C8A: variants seen among roughly 807,000 people sequenced by gnomAD.
C8A encodes complement C8 alpha chain.
Under a neutral mutation model 65.3 loss-of-function variants are expected in C8A, and 67 were observed. The observed-to-expected ratio is 1.03, with a 90% CI of 0.84 to 1.26. C8A has a LOEUF of 1.26. Ranked by LOEUF, C8A falls within the 50% of genes most tolerant of loss-of-function variation. C8A has a pLI of 0.00. For synonymous variants in C8A, 290 were observed against 259.4 expected, an observed-to-expected ratio of 1.12 and a Z score of -1.13; for missense variants, 781 against 723.9, an observed-to-expected ratio of 1.08 and a Z score of -0.90.
intron 2 of C8A, among the ~76,000 whole-genome samples, chr1:56,874,568 A>G (rs1229732851): frequency 6.6e-6 from 1 of 152,204 alleles, no homozygotes; most frequent in African/African-American, 2.4e-5. Flanking sequence ...TGGATGCTCA[A>G]TTGCAACTTC....
intron 7 of C8A, among the ~76,000 whole-genome samples, chr1:56,896,335 T>G (rs1384575499): frequency 6.6e-6 from 1 of 152,144 alleles, no homozygotes; most frequent in East Asian, 1.9e-4. Flanking sequence ...GCTGATGCTT[T>G]CGTTTCAGTC....
At chr1:56,879,597 T>C (rs147525061) in intron 4 of C8A, among the ~76,000 whole-genome samples, 1 of 152,160 alleles carries the variant, frequency 6.6e-6, no homozygotes, top group Non-Finnish European at 1.5e-5. Flanking sequence ...GATTTTACTA[T>C]CAACAAAATC....
chr1:56,914,699 C>T (rs1020104066), intron 10 of C8A, among the ~76,000 whole-genome samples: 4 of 152,090 alleles, frequency 2.6e-5, no homozygotes, highest in Non-Finnish European at 4.4e-5. Context: ...AAGTCTTACT[C>T]TGTCACCCAG....
chr1:56,877,595 T>C (rs775071334), intron 4 of C8A, among the ~76,000 whole-genome samples: 10 of 152,204 alleles, frequency 6.6e-5, no homozygotes, highest in Non-Finnish European at 1.3e-4. Flanking sequence ...GAATAAACTC[T>C]TTGAGGGCAG....
intron 1 of C8A, among the ~76,000 whole-genome samples, chr1:56,858,043 T>A (rs1450080006): frequency 6.6e-6 from 1 of 152,192 alleles, no homozygotes; most frequent in Non-Finnish European, 1.5e-5. Context: ...GAATTTTAAA[T>A]TTCAGTTAAT....
At chr1:56,863,213 A>G (rs1223886452) in intron 1 of C8A, among the ~76,000 whole-genome samples, 1 of 152,204 alleles carries the variant, frequency 6.6e-6, no homozygotes. Flanking sequence ...TGTTCTCTGT[A>G]ATGAGACTGT....
intron 7 of C8A, among the ~76,000 whole-genome samples, chr1:56,898,907 G>A (rs921872876): frequency 1.7e-4 from 26 of 152,270 alleles, no homozygotes; most frequent in South Asian, 2.1e-4. Flanking sequence ...GGTAAGGTGG[G>A]CAGGAATCTT....
At chr1:56,908,447 G>A (rs548781254) in intron 9 of C8A, among the ~76,000 whole-genome samples, 1 of 152,250 alleles carries the variant, frequency 6.6e-6, no homozygotes, top group South Asian at 2.1e-4. Flanking sequence ...CTAAATTAGG[G>A]GGTGGCAAAC....
rs951962203 is a variant in C8A, at chr1:56,894,843, T to A, written c.1096+8676T>A. Among the ~76,000 whole-genome samples, 4 of 152,278 alleles carry A rather than the reference T, an allele frequency of 2.6e-5. No homozygotes were observed. In the East Asian group the frequency reaches 5.8e-4, roughly 22 times the overall value. ...GTAAGGGGGTTTCTCTTTGTCATAA[T>A]CATCAGATTATGGTCAGGGATAATT... is the stretch of plus-strand genomic sequence containing the variant. On this transcript the variant is annotated intron_variant, in intron 7 of 10. Coordinates refer to ENST00000361249, the MANE Select transcript of C8A (RefSeq NM_000562.3).
At position 56,912,507 on chromosome 1, in the gene C8A, T is replaced by A; in HGVS notation, c.1485T>A (p.Asn495Lys). The A allele has an allele frequency of 6.2e-7, 1 of 1,614,222 alleles. No individual in the cohort carries two copies. Among genetic ancestry groups the A allele is most frequent in the South Asian group, 1.1e-5 (1 of 91,086 alleles). Residue 495 changes from asparagine (N) to lysine (K), a missense_variant, in exon 10 of 11, where the codon AAT becomes AAA. Coordinates refer to ENST00000361249, the MANE Select transcript of C8A (RefSeq NM_000562.3). ...RALDQYLMEF[N>K]ACRCGPCFNN... ...TGGACCAGTATCTGATGGAATTCAA[T>A]GCCTGCCGATGTGGGCCTTGCTTCA... is the stretch of plus-strand genomic sequence containing the variant.
intron 10 of C8A, among the ~76,000 whole-genome samples, chr1:56,915,827 AGT>A (rs1644546346): frequency 6.6e-6 from 1 of 152,154 alleles, no homozygotes; most frequent in African/African-American, 2.4e-5. Flanking sequence ...ACATCCTAAG[AGT>A]GAGGAAATTT....
At chr1:56,881,794 C>T (rs970205561) in intron 5 of C8A, among the ~76,000 whole-genome samples, 160 bp downstream of exon 5, 5 of 152,132 alleles carry the variant, frequency 3.3e-5, no homozygotes, top group Admixed American at 2.0e-4. Context: ...TGCTTAGTGT[C>T]GAAGGGTGCT....
At chr1:56,883,983 G>A (rs1048465000) in intron 6 of C8A, among the ~76,000 whole-genome samples, 24 of 149,080 alleles carry the variant, frequency 1.6e-4, no homozygotes, top group South Asian at 2.1e-4. Context: ...TGTTTTAAGA[G>A]AAACAGCCAG....
At chr1:56,867,800 G>GATATGTGTATTAGGCATTCAAAT in intron 2 of C8A, 98 bp downstream of exon 2, 1 of 838,220 alleles carries the variant, frequency 1.2e-6, no homozygotes, top group Non-Finnish European at 2.1e-6. Flanking sequence ...TAGGGGCCTG[G>GATATGTGTATTAGGCATTCAAAT]GGAGAAATTG....
chr1:56,884,368 G>A (rs1304705777), intron 6 of C8A, among the ~76,000 whole-genome samples: 1 of 152,126 alleles, frequency 6.6e-6, no homozygotes, highest in Non-Finnish European at 1.5e-5. Flanking sequence ...GATGAGGTTG[G>A]AGATGTAATC....
At chr1:56,865,501 C>T (rs1644076899) in intron 1 of C8A, among the ~76,000 whole-genome samples, 2 of 152,158 alleles carry the variant, frequency 1.3e-5, no homozygotes, top group South Asian at 4.1e-4. Flanking sequence ...TTAGTCACCT[C>T]CCAAAAGCCC....
intron 7 of C8A, among the ~76,000 whole-genome samples, chr1:56,887,452 C>A (rs1196473336): frequency 6.6e-6 from 1 of 152,110 alleles, no homozygotes; most frequent in Non-Finnish European, 1.5e-5. Context: ...CTCTAATGAC[C>A]AGTGATGATG....
In C8A at chr1:56,883,535, C is replaced by T; in HGVS notation, c.709C>T (p.Leu237Phe). ...GTTTTATGATAATGCAAATGACCTT[C>T]TTTCCAAAGTTAAAAAAGACAAGTC... ...SEFYDNANDL[L>F]SKVKKDKSDS... The change falls in exon 6 of 11, where the codon CTT becomes TTT. Residue 237 changes from leucine to phenylalanine, a missense_variant. Physicochemically the swap from Leu to Phe is conservative, Grantham distance 22. Transcript: ENST00000361249. The T allele has an allele frequency of 6.2e-7, 1 of 1,613,780 alleles. No homozygotes were observed.
chr1:56,899,325 G>C (rs1644408156), intron 7 of C8A, among the ~76,000 whole-genome samples: 1 of 152,188 alleles, frequency 6.6e-6, no homozygotes, highest in African/African-American at 2.4e-5. Flanking sequence ...CTTTCCCATA[G>C]GCGGTATAAT....
Sources: gnomAD v4.1 joint callset for allele counts (sites outside exome capture counted in the v4.1 genomes callset) on GRCh38, gnomAD v4.1.1 for gene constraint, MANE v1.5 for transcripts, NCBI Gene and HGNC (gene_info 2026-07-23, HGNC 2026-07-21) for gene names.